FOXN1: variants seen among roughly 807,000 people sequenced by gnomAD.
FOXN1 encodes forkhead box protein N1.
In FOXN1, 15 loss-of-function variants were observed where a neutral mutation model predicts 49.0. That is an observed-to-expected ratio of 0.31 (90% CI 0.20 to 0.47). The LOEUF is 0.47. Among genes scored for constraint, FOXN1 ranks in the 20% least tolerant of loss-of-function variants. The probability of loss-of-function intolerance (pLI) is 1.00; values close to 1 mark genes in which losing one functional copy is unlikely to be tolerated. For missense variants in FOXN1, 800 were observed against 842.8 expected, an observed-to-expected ratio of 0.95 and a Z score of 0.63; for synonymous variants, 356 against 369.0, an observed-to-expected ratio of 0.96 and a Z score of 0.40.
At position 28,534,267 on chromosome 17, in the gene FOXN1, G is replaced by T; in HGVS notation, c.928-64G>T. 2 of 1,612,346 alleles carry T rather than the reference G, an allele frequency of 1.2e-6. No homozygotes were observed. The highest frequency in any genetic ancestry group is 2.2e-5 in the South Asian group (2 of 90,854). ...AGAAACAGGAGTGTTCTAGAACCCA[G>T]ACCTGAAGCCCGCTCTGGCTTCCTG... On this transcript the variant is annotated intron_variant, in intron 6 of 8. Transcript: ENST00000579795. This position sits in a 1 kb window ranked among gnomAD's most constrained non-coding sequence, Gnocchi z 4.1.
chr17:28,511,175 G>A (rs2069389000), intron 1 of FOXN1, among the ~76,000 whole-genome samples: 1 of 152,204 alleles, frequency 6.6e-6, no homozygotes, highest in South Asian at 2.1e-4. Flanking sequence ...GGCTTAGTAA[G>A]TTCAAGGAGA....
intron 1 of FOXN1, among the ~76,000 whole-genome samples, chr17:28,522,815 G>T (rs2069667711): frequency 6.6e-6 from 1 of 151,460 alleles, no homozygotes; most frequent in African/African-American, 2.4e-5. Flanking sequence ...TCCAGCCTGG[G>T]TGACAGAGAG....
In FOXN1 at chr17:28,529,185, G is replaced by T; in HGVS notation, c.791G>T (p.Gly264Val). Residue 264 changes from glycine to valine, a missense_variant, in exon 5 of 9, where the codon GGG becomes GTG. Physicochemically the swap from Gly to Val is moderately radical, Grantham distance 109. Coordinates refer to ENST00000579795, the MANE Select transcript of FOXN1 (RefSeq NM_001369369.1). ...ATGGCACCCCAGGCCAGCACCGATG[G>T]GCACCAGCCTCTCTTCCCAAAACCC... The part of the protein sequence containing the change: ...QRMAPQASTD[G>V]HQPLFPKPIY... 1 of 1,614,140 alleles carries T rather than the reference G, an allele frequency of 6.2e-7. No individual in the cohort carries two copies. The highest frequency in any genetic ancestry group is 8.5e-7 in the Non-Finnish European group (1 of 1,180,008).
intron 1 of FOXN1, among the ~76,000 whole-genome samples, chr17:28,523,536 G>A (rs1403444577): frequency 1.3e-5 from 2 of 152,160 alleles, no homozygotes; most frequent in Non-Finnish European, 2.9e-5. Flanking sequence ...TCACTGAATG[G>A]AGACCACCTG....
chr17:28,534,350 A>C lies in FOXN1; in HGVS notation c.947A>C (p.Lys316Thr). The C allele has an allele frequency of 6.2e-7, 1 of 1,614,184 alleles. No individual in the cohort carries two copies. Among genetic ancestry groups the C allele is most frequent in the Non-Finnish European group, 8.5e-7 (1 of 1,180,024 alleles). The change falls in exon 7 of 9, where the codon AAG (lysine) becomes ACG (threonine). Residue 316 changes from lysine (K) to threonine (T), a missense_variant. By Grantham distance (78) the Lys-to-Thr change is moderately conservative. Coordinates refer to ENST00000579795, the MANE Select transcript of FOXN1 (RefSeq NM_001369369.1). The surrounding 1 kb of genome is among the most constrained non-coding windows in gnomAD (Gnocchi z 4.1). ...CGGCAGACAGCACCCGATGGCTGGA[A>C]GAATTCTGTCCGGCACAACCTATCC... ...PYFKTAPDGW[K>T]NSVRHNLSLN...
At chr17:28,527,404 A>G (rs1471093397) in intron 4 of FOXN1, 43 bp downstream of exon 4, 2 of 1,126,548 alleles carry the variant, frequency 1.8e-6, no homozygotes, top group Non-Finnish European at 2.7e-6. Flanking sequence ...AGGTCTGAGG[A>G]TATCGTGTGT....
At chr17:28,528,278 C>T (rs1332538611) in intron 4 of FOXN1, among the ~76,000 whole-genome samples, 1 of 152,120 alleles carries the variant, frequency 6.6e-6, no homozygotes, top group Non-Finnish European at 1.5e-5. Context: ...GTGGAATGAC[C>T]GAAGCTATCC....
intron 1 of FOXN1, among the ~76,000 whole-genome samples, chr17:28,520,073 T>G (rs1467265501): frequency 6.6e-6 from 1 of 152,210 alleles, no homozygotes. Context: ...AGGTAAGTAT[T>G]TATTAGTCCT....
chr17:28,534,970 C>T lies in FOXN1; in HGVS notation c.1399C>T (p.Pro467Ser), dbSNP rs774494770. The T allele has an allele frequency of 6.2e-7, 1 of 1,614,060 alleles. No individual in the cohort carries two copies. The highest frequency in any genetic ancestry group is 8.5e-7 in the Non-Finnish European group (1 of 1,179,970). Residue 467 changes from proline to serine, a missense_variant, in exon 8 of 9, where the codon CCC becomes TCC. Transcript: ENST00000579795. The surrounding 1 kb of genome is among the most constrained non-coding windows in gnomAD (Gnocchi z 4.1). ...CTCACCAGGCCTGGCCCCTCCTGGA[C>T]CCCCGCAGCCATTGTTCCCACAGCC... is the stretch of plus-strand genomic sequence containing the variant. Reference protein sequence around the residue: ...HLSPGLAPPGPPQPLFPQPDG... With the variant: ...HLSPGLAPPGSPQPLFPQPDG...
Position 28,537,691 on chromosome 17 carries a change from G to A in FOXN1, c.*255G>A. ...CAAAGAGCAAGCGTCTGGGCAAGAG[G>A]AAAATGCCCTGTCCCTAGCTCACAC... On this transcript the variant is annotated 3_prime_UTR_variant, in exon 9 of 9. Transcript: ENST00000579795. The A allele has an allele frequency of 1.7e-6, 1 of 590,752 alleles. No individual in the cohort carries two copies. The allele number at this position is 590,752 out of a possible 1,614,324, so 36.6% of individuals were successfully genotyped here. A position where few individuals can be genotyped will look rare whatever the true frequency, so the allele number is the denominator to read the frequency against.
chr17:28,534,830 C>A lies in FOXN1; in HGVS notation c.1259C>A (p.Ser420Tyr). The A allele has an allele frequency of 1.9e-6, 3 of 1,613,892 alleles. No individual in the cohort carries two copies. Among genetic ancestry groups the A allele is most frequent in the South Asian group, 2.2e-5 (2 of 91,080 alleles). The part of the protein sequence containing the change: ...IRPLAPPAGL[S>Y]PPLHSLHPAP... ...CCCCTGGCACCCCCAGCTGGCCTCT[C>A]CCCACCACTGCACTCACTCCACCCA... Residue 420 changes from serine (S) to tyrosine (Y), a missense_variant, in exon 8 of 9, where the codon TCC (serine) becomes TAC (tyrosine). Coordinates refer to ENST00000579795, the MANE Select transcript of FOXN1 (RefSeq NM_001369369.1). This position sits in a 1 kb window ranked among gnomAD's most constrained non-coding sequence, Gnocchi z 4.1.
At chr17:28,521,453 C>T (rs949217932) in intron 1 of FOXN1, among the ~76,000 whole-genome samples, 1 of 152,240 alleles carries the variant, frequency 6.6e-6, no homozygotes, top group African/African-American at 2.4e-5. Flanking sequence ...CAGGCAGGCC[C>T]GAGCTCTCCA....
Position 28,534,935 on chromosome 17 carries a change from A to G in FOXN1, c.1364A>G (p.Tyr455Cys). The G allele has an allele frequency of 6.2e-7, 1 of 1,613,952 alleles. No individual in the cohort carries two copies. The highest frequency in any genetic ancestry group is 8.5e-7 in the Non-Finnish European group (1 of 1,179,966). ...GHTPSCYGQT[Y>C]LHLSPGLAPP... is the part of the protein sequence containing the mutation. ...ACACCCTCCTGCTATGGGCAGACATACTTGCACCTCTCACCAGGCCTGGCC... is the reference window on the plus strand; with the variant it reads ...ACACCCTCCTGCTATGGGCAGACATGCTTGCACCTCTCACCAGGCCTGGCC... The change falls in exon 8 of 9, where the codon TAC becomes TGC. Residue 455 changes from tyrosine to cysteine, a missense_variant. Around this residue, in one of 3 missense-constraint regions of FOXN1, gnomAD observed 344 missense variants for 366.1 expected, o/e 0.94. Coordinates refer to ENST00000579795, the MANE Select transcript of FOXN1 (RefSeq NM_001369369.1). This position sits in a 1 kb window ranked among gnomAD's most constrained non-coding sequence, Gnocchi z 4.1.
chr17:28,533,339 C>G, intron 6 of FOXN1, among the ~76,000 whole-genome samples: 1 of 152,216 alleles, frequency 6.6e-6, no homozygotes, highest in South Asian at 2.1e-4. Context: ...TGGAGGTGGG[C>G]GGGCAGGGGG....
At chr17:28,533,726 A>C (rs560285623) in intron 6 of FOXN1, among the ~76,000 whole-genome samples, 1 of 152,242 alleles carries the variant, frequency 6.6e-6, no homozygotes, top group African/African-American at 2.4e-5. Flanking sequence ...GCTCATACGC[A>C]CTGTCCCTTC....
In FOXN1 at chr17:28,525,285, T is replaced by G. The variant is rs139728750; in HGVS notation, c.588+318T>G. The stretch of plus-strand genomic sequence containing the variant: ...CTCCAGCCAGACCTACACACCCATA[T>G]GCAAATGTGACAAGAAAAACACATT... On this transcript the variant is annotated intron_variant, in intron 3 of 8. Transcript: ENST00000579795. 9.0e-4 allele frequency among the ~76,000 whole-genome samples: 137 copies of G among 152,276 alleles called. 1 individual carries two copies. Among genetic ancestry groups the G allele is most frequent in the East Asian group, 8.3e-3 (43 of 5,168 alleles).
chr17:28,524,375 C>T (rs2069713946), intron 2 of FOXN1, 128 bp from the exon 3 acceptor site: 1 of 883,450 alleles, frequency 1.1e-6, no homozygotes, highest in Admixed American at 2.2e-5. Flanking sequence ...TATTTCTTCT[C>T]CACCATTTAG....
At chr17:28,511,826 T>C (rs1431822343) in intron 1 of FOXN1, among the ~76,000 whole-genome samples, 1 of 152,056 alleles carries the variant, frequency 6.6e-6, no homozygotes, top group Non-Finnish European at 1.5e-5. Context: ...AGCCAGGATC[T>C]GGGCTCAGTG....
intron 1 of FOXN1, among the ~76,000 whole-genome samples, chr17:28,515,686 T>C (rs1400722847): frequency 6.7e-6 from 1 of 150,018 alleles, no homozygotes; most frequent in Non-Finnish European, 1.5e-5. Flanking sequence ...GTTCCATTGG[T>C]GAATATACCT....
Sources: gnomAD v4.1 joint callset for allele counts (sites outside exome capture counted in the v4.1 genomes callset) on GRCh38, gnomAD v4.1.1 for gene constraint, gnomAD v4.1.1 regional missense constraint, Gnocchi (gnomAD v3.1) non-coding constraint, MANE v1.5 for transcripts, NCBI Gene and HGNC (gene_info 2026-07-23, HGNC 2026-07-21) for gene names.